PGM1: variants seen among roughly 807,000 people sequenced by gnomAD.
The protein encoded by PGM1 is phosphoglucomutase-1.
Under a neutral mutation model 55.6 loss-of-function variants are expected in PGM1, and 52 were observed. The observed-to-expected ratio is 0.94, with a 90% CI of 0.75 to 1.18. The LOEUF is 1.18. Among genes scored for constraint, PGM1 ranks in the 50% most tolerant of loss-of-function variants. PGM1 has a pLI of 0.00. For synonymous variants in PGM1, 287 were observed against 271.7 expected, an observed-to-expected ratio of 1.06 and a Z score of -0.55; for missense variants, 724 against 729.3, an observed-to-expected ratio of 0.99 and a Z score of 0.08.
Position 63,651,792 on chromosome 1 carries a change from G to A in PGM1, c.1404G>A (p.Val468=). 1 of 1,614,014 alleles carries A rather than the reference G, an allele frequency of 6.2e-7. No individual in the cohort carries two copies. The highest frequency in any genetic ancestry group is 8.5e-7 in the Non-Finnish European group (1 of 1,179,928). The change falls in exon 9 of 11, where the codon GTG becomes GTA. Residue 468 remains valine, a synonymous_variant. Coordinates refer to ENST00000371084, the MANE Select transcript of PGM1 (RefSeq NM_002633.3). The part of the protein sequence containing the change: ...QFSANDKVYT[V]EKADNFEYSD... ...CAGCAAATGACAAAGTTTACACTGT[G>A]GAGAAGGCCGATAACTTTGAATACA...
intron 7 of PGM1, among the ~76,000 whole-genome samples, chr1:63,640,962 T>G (rs1478872117): frequency 6.6e-6 from 1 of 152,174 alleles, no homozygotes; most frequent in African/African-American, 2.4e-5. Flanking sequence ...GACACTGTAT[T>G]TTTCTTGACA....
chr1:63,651,605 G>T, intron 8 of PGM1, 64 bp from the exon 9 acceptor site: 1 of 1,472,698 alleles, frequency 6.8e-7, no homozygotes, highest in South Asian at 1.2e-5. Context: ...AGAAAGTGCT[G>T]ACTGATAGGC....
intron 7 of PGM1, among the ~76,000 whole-genome samples, chr1:63,641,163 C>G (rs976371814): frequency 5.3e-5 from 8 of 152,164 alleles, no homozygotes; most frequent in Non-Finnish European, 7.4e-5. Flanking sequence ...AGTTTGTTCT[C>G]ATTTATTAAC....
At chr1:63,646,217 A>G (rs1218827374) in intron 7 of PGM1, among the ~76,000 whole-genome samples, 1 of 152,222 alleles carries the variant, frequency 6.6e-6, no homozygotes. Context: ...TAGGGCAGGC[A>G]CATAAAGAAT....
Position 63,659,752 on chromosome 1 carries a change from C to G in PGM1, c.*77C>G, listed in dbSNP as rs1650069406. ...ATCTGATTGAAGAGCATGACAGAAA[C>G]AAAATGTATTCACCAAGCATTTTAG... On this transcript the variant is annotated 3_prime_UTR_variant, in exon 11 of 11. Coordinates refer to ENST00000371084, the MANE Select transcript of PGM1 (RefSeq NM_002633.3). The G allele has an allele frequency of 9.2e-7, 1 of 1,084,962 alleles. No individual in the cohort carries two copies. Among genetic ancestry groups the G allele is most frequent in the South Asian group, 1.3e-5 (1 of 79,358 alleles). The allele number at this position is 1,084,962 out of a possible 1,614,324, so 67.2% of individuals were successfully genotyped here. A position where few individuals can be genotyped will look rare whatever the true frequency, so the allele number is the denominator to read the frequency against.
chr1:63,634,515 T>C (rs1450283718), intron 4 of PGM1, among the ~76,000 whole-genome samples: 2 of 152,218 alleles, frequency 1.3e-5, no homozygotes, highest in Non-Finnish European at 2.9e-5. Flanking sequence ...TGAGCTTTTC[T>C]GAAGGACTGA....
intron 4 of PGM1, among the ~76,000 whole-genome samples, chr1:63,633,129 G>C (rs1649241928): frequency 1.3e-5 from 2 of 152,174 alleles, no homozygotes; most frequent in South Asian, 4.1e-4. Flanking sequence ...AATTTGACTA[G>C]GTATAAAGAA....
chr1:63,613,970 T>A (rs2269267), intron 1 of PGM1, among the ~76,000 whole-genome samples: 20,587 of 152,202 alleles, frequency 0.14, 1,516 homozygotes, highest in Non-Finnish European at 0.15. Flanking sequence ...TGTTGAAGCC[T>A]GCCTTTCCAA....
intron 7 of PGM1, among the ~76,000 whole-genome samples, chr1:63,641,030 G>A (rs1649500246): frequency 6.6e-6 from 1 of 152,168 alleles, no homozygotes; most frequent in African/African-American, 2.4e-5. Flanking sequence ...GCCCACATAA[G>A]GTTGTGGGTA....
intron 1 of PGM1, among the ~76,000 whole-genome samples, chr1:63,603,075 C>A (rs1161135481): frequency 6.6e-6 from 1 of 152,208 alleles, no homozygotes; most frequent in Non-Finnish European, 1.5e-5. Context: ...TAAGAGAAAG[C>A]TCCCCTCACT....
chr1:63,599,460 G>A (rs527290693), intron 1 of PGM1, among the ~76,000 whole-genome samples: 11 of 151,418 alleles, frequency 7.3e-5, no homozygotes, highest in African/African-American at 2.2e-4. Context: ...CACCACACCC[G>A]GCCCAAGTCA....
chr1:63,659,486 C>G, intron 10 of PGM1, 100 bp from the exon 11 acceptor site: 1 of 925,752 alleles, frequency 1.1e-6, no homozygotes, highest in South Asian at 1.3e-5. Flanking sequence ...TTTGAGGAGC[C>G]TTGGAGACCT....
At chr1:63,657,133 A>T (rs1649989589) in intron 10 of PGM1, among the ~76,000 whole-genome samples, 1 of 152,234 alleles carries the variant, frequency 6.6e-6, no homozygotes, top group Admixed American at 6.5e-5. Flanking sequence ...AAGTAAAATA[A>T]AATAAATAGC....
At position 63,604,094 on chromosome 1, in the gene PGM1, C is replaced by A. The variant is rs559348435; in HGVS notation, c.246+10360C>A. On this transcript the variant is annotated intron_variant, in intron 1 of 10. Coordinates refer to ENST00000371084, the MANE Select transcript of PGM1 (RefSeq NM_002633.3). The stretch of plus-strand genomic sequence containing the variant: ...CTTATATTTGAAATCTCAGATTTCC[C>A]TGTCAAGGCTTGATCTTACCGCTGC... 5.3e-5 allele frequency among the ~76,000 whole-genome samples: 8 copies of A among 152,074 alleles called. No individual in the cohort carries two copies. The South Asian group carries it at 1.7e-3, about 32-fold the overall frequency.
intron 1 of PGM1, among the ~76,000 whole-genome samples, chr1:63,601,353 G>A (rs1648237128): frequency 6.6e-6 from 1 of 152,182 alleles, no homozygotes; most frequent in South Asian, 2.1e-4. Flanking sequence ...TAAATGACTG[G>A]CTCAAAATAA....
intron 1 of PGM1, among the ~76,000 whole-genome samples, chr1:63,598,721 G>C (rs1648151052): frequency 6.6e-6 from 1 of 152,164 alleles, no homozygotes; most frequent in African/African-American, 2.4e-5. Context: ...TCTACCCAAG[G>C]ACCTCTTGAG....
intron 7 of PGM1, among the ~76,000 whole-genome samples, chr1:63,641,360 G>A (rs1236560356): frequency 2.0e-5 from 3 of 152,166 alleles, no homozygotes; most frequent in African/African-American, 7.2e-5. Context: ...AGGCTGCATA[G>A]CCATAGATCG....
At chr1:63,611,294 G>T (rs1407898501) in intron 1 of PGM1, among the ~76,000 whole-genome samples, 1 of 151,930 alleles carries the variant, frequency 6.6e-6, no homozygotes, top group African/African-American at 2.4e-5. Context: ...TAGACATGGG[G>T]GTATGAAGAA....
chr1:63,604,917 C>G (rs929502442), intron 1 of PGM1, among the ~76,000 whole-genome samples: 18 of 118,786 alleles, frequency 1.5e-4, no homozygotes, highest in African/African-American at 5.2e-4. Context: ...TTACATAACT[C>G]TGTGTGTGTG....
Sources: allele counts gnomAD v4.1 joint callset (sites outside exome capture counted in the v4.1 genomes callset), GRCh38; gene constraint gnomAD v4.1.1; transcripts MANE v1.5; gene names NCBI Gene and HGNC (gene_info 2026-07-23, HGNC 2026-07-21).